Variants in MET observed in about 807,000 individuals in gnomAD.
MET encodes hepatocyte growth factor receptor.
MET carries 48 observed loss-of-function variants against 133.1 expected under a neutral mutation model. That is an observed-to-expected ratio of 0.36 (90% CI 0.29 to 0.46). The LOEUF (loss-of-function observed/expected upper bound fraction) is 0.46, where lower values mean the gene tolerates loss of function less well. Ranked by LOEUF, MET falls within the 20% of genes least tolerant of loss-of-function variation. The probability of loss-of-function intolerance (pLI) is 1.00; values close to 1 mark genes in which losing one functional copy is unlikely to be tolerated. For synonymous variants in MET, 628 were observed against 616.5 expected, an observed-to-expected ratio of 1.02 and a Z score of -0.28; for missense variants, 1,442 against 1,695.9, an observed-to-expected ratio of 0.85 and a Z score of 2.63.
At position 116,763,119 on chromosome 7, in the gene MET, C is replaced by G. The variant is rs398123568; in HGVS notation, c.2434C>G (p.Gln812Glu). 109 of 1,614,038 alleles carry G rather than the reference C, an allele frequency of 6.8e-5. 2 individuals are homozygous for G. The South Asian group carries it at 1.1e-3, about 16-fold the overall frequency. The stretch of plus-strand genomic sequence containing the variant: ...TCCTTCCCTGCAACAGCTGAATCTG[C>G]AACTCCCCCTGAAAACCAAAGCCTT... ...TTPSLQQLNL[Q>E]LPLKTKAFFM... Residue 812 changes from glutamine (Q) to glutamate (E), a missense_variant, in exon 11 of 21, where the codon CAA (glutamine) becomes GAA (glutamate). By Grantham distance (29) the Gln-to-Glu change is conservative (BLOSUM62 2). Coordinates refer to ENST00000397752, the MANE Select transcript of MET (RefSeq NM_000245.4).
At chr7:116,728,956 A>G (rs1027557988) in intron 2 of MET, among the ~76,000 whole-genome samples, 2 of 152,222 alleles carry the variant, frequency 1.3e-5, no homozygotes, top group Non-Finnish European at 2.9e-5. Flanking sequence ...GAAACAAGAC[A>G]ACCACAAAAA....
chr7:116,734,692 G>A lies in MET; in HGVS notation c.1392+2833G>A, dbSNP rs143224435. On this transcript the variant is annotated intron_variant, in intron 3 of 20. Transcript: ENST00000397752. ...CATGATCACTCTCTTGGGATACTTCGAAGTAAAATAGTAGGATAAGCAATG... is the reference window on the plus strand; with the variant it reads ...CATGATCACTCTCTTGGGATACTTCAAAGTAAAATAGTAGGATAAGCAATG... 5.8e-3 allele frequency among the ~76,000 whole-genome samples: 882 copies of A among 152,262 alleles called. 30 individuals are homozygous for A. Among genetic ancestry groups the A allele is most frequent in the Admixed American group, 0.051 (786 of 15,296 alleles).
chr7:116,779,795 T>G (rs1006620854), intron 17 of MET, among the ~76,000 whole-genome samples: 2 of 152,230 alleles, frequency 1.3e-5, no homozygotes, highest in Non-Finnish European at 2.9e-5. Context: ...TTTTGGATTT[T>G]GGGGGTTGAA....
rs1037333149 is a variant in MET, at chr7:116,795,810, C to T, written c.3935+19C>T. On this transcript the variant is annotated intron_variant, in intron 20 of 20. Transcript: ENST00000397752. ...ACCCCTTGTAAGTAGTCTTTCTGTA[C>T]CTCTTACGTTCTTTACTTTTACAGA... 2 of 1,614,066 alleles carry T rather than the reference C, an allele frequency of 1.2e-6. No homozygotes were observed. Among genetic ancestry groups the T allele is most frequent in the Admixed American group, 3.3e-5 (2 of 59,998 alleles).
intron 1 of MET, among the ~76,000 whole-genome samples, chr7:116,686,632 GT>G (rs747258269): frequency 6.6e-6 from 1 of 152,166 alleles, no homozygotes; most frequent in Non-Finnish European, 1.5e-5. Context: ...GTCAAATTTG[GT>G]CTTAAATAGC....
intron 5 of MET, among the ~76,000 whole-genome samples, chr7:116,754,463 G>A (rs1794045744): frequency 1.3e-5 from 2 of 152,100 alleles, no homozygotes; most frequent in Non-Finnish European, 2.9e-5. Flanking sequence ...GCAAGTAAAA[G>A]TCTGGGCCCA....
chr7:116,789,141 T>C (rs767348234), intron 19 of MET, among the ~76,000 whole-genome samples: 5 of 152,188 alleles, frequency 3.3e-5, no homozygotes, highest in Admixed American at 3.3e-4. Context: ...AACTTCCAGT[T>C]TTCCTCCTGC....
rs760339018 is a variant in MET, at chr7:116,796,078, A to C, written c.4127A>C (p.Asp1376Ala). 3.7e-6 allele frequency: 6 copies of C among 1,614,036 alleles called. No individual in the cohort carries two copies. The South Asian group carries it at 6.6e-5, about 18-fold the overall frequency. Residue 1376 changes from aspartate (D) to alanine (A), a missense_variant, in exon 21 of 21, where the codon GAT becomes GCT. Physicochemically the swap from Asp to Ala is moderately radical, Grantham distance 126. Transcript: ENST00000397752. ...PSLLSSEDNA[D>A]DEVDTRPASF... ...CTGTTGTCATCAGAAGATAACGCTG[A>C]TGATGAGGTGGACACACGACCAGCC...
chr7:116,789,696 G>A (rs762147603), intron 19 of MET, among the ~76,000 whole-genome samples: 37 of 152,124 alleles, frequency 2.4e-4, no homozygotes, highest in East Asian at 5.8e-4. Flanking sequence ...CTTTTACTTC[G>A]CATATTACAT....
intron 2 of MET, among the ~76,000 whole-genome samples, chr7:116,714,291 G>T (rs997716772): frequency 1.5e-4 from 23 of 152,070 alleles, no homozygotes; most frequent in Non-Finnish European, 3.1e-4. Flanking sequence ...CAAGAGAAAG[G>T]ATTTATTTAT....
rs1791526414 is a variant in MET at position 116,700,281 on chromosome 7, T to C, written c.1197T>C (p.Asn399=). 1 of 1,603,152 alleles carries C rather than the reference T, an allele frequency of 6.2e-7. No homozygotes were observed. Among genetic ancestry groups the C allele is most frequent in the Non-Finnish European group, 8.5e-7 (1 of 1,178,796 alleles). Residue 399 remains asparagine, a synonymous_variant, in exon 2 of 21, where the codon AAT becomes AAC. Coordinates refer to ENST00000397752, the MANE Select transcript of MET (RefSeq NM_000245.4). The part of the protein sequence containing the change: ...FYGPNHEHCF[N]RTLLRNSSGC... ...GACCCAATCATGAGCACTGCTTTAATAGGGTAAGTCACATCAGTTCCCCAC... is the reference window on the plus strand; with the variant it reads ...GACCCAATCATGAGCACTGCTTTAACAGGGTAAGTCACATCAGTTCCCCAC...
chr7:116,746,932 A>AAT (rs1049588083), intron 5 of MET, among the ~76,000 whole-genome samples: 3 of 152,106 alleles, frequency 2.0e-5, no homozygotes, highest in African/African-American at 4.8e-5. Context: ...TATAATAAAA[A>AAT]ATATATATAA....
intron 14 of MET, among the ~76,000 whole-genome samples, chr7:116,772,608 G>T (rs1397666697): frequency 5.3e-5 from 8 of 152,072 alleles, no homozygotes; most frequent in Admixed American, 5.2e-4. Context: ...AAATCTCCTG[G>T]TAAAAGCAAA....
rs2117110305 is a variant in MET at position 116,795,882 on chromosome 7, A to T, written c.3936-5A>T. ...TCTTACAGCATGTCTTTCTTTTTGG[A>T]ACAGATATGAAGTAATGCTAAAATG... On this transcript the variant is annotated splice_region_variant and splice_polypyrimidine_tract_variant and intron_variant, in intron 20 of 20. Coordinates refer to ENST00000397752, the MANE Select transcript of MET (RefSeq NM_000245.4). The T allele has an allele frequency of 6.2e-7, 1 of 1,614,126 alleles. No homozygotes were observed.
chr7:116,716,775 C>A (rs1389884382), intron 2 of MET, among the ~76,000 whole-genome samples: 1 of 152,148 alleles, frequency 6.6e-6, no homozygotes, highest in Admixed American at 6.5e-5. Flanking sequence ...GTCATCACCA[C>A]GAGGCTGTGA....
intron 15 of MET, 74 bp downstream of exon 15, chr7:116,775,185 A>G (rs1794957557): frequency 2.1e-6 from 3 of 1,397,698 alleles, no homozygotes; most frequent in Non-Finnish European, 2.0e-6. Context: ...TTTGCAGATT[A>G]GGAACTTAGA....
intron 5 of MET, among the ~76,000 whole-genome samples, chr7:116,748,905 GA>G (rs1793806801): frequency 2.0e-5 from 3 of 152,116 alleles, no homozygotes; most frequent in Non-Finnish European, 2.9e-5. Context: ...ACTAAACTAG[GA>G]AGAAGTTGAA....
At chr7:116,758,278 T>C (rs1399555312) in intron 8 of MET, among the ~76,000 whole-genome samples, 181 bp from the exon 9 acceptor site, 4 of 152,226 alleles carry the variant, frequency 2.6e-5, no homozygotes, top group East Asian at 3.9e-4. Context: ...GGATAGCTTG[T>C]CCACAACAAA....
chr7:116,704,700 G>T (rs376444143), intron 2 of MET, among the ~76,000 whole-genome samples: 1 of 152,026 alleles, frequency 6.6e-6, no homozygotes, highest in Admixed American at 6.6e-5. Context: ...GGCAGAGGAT[G>T]GGGAGAAAGA....
Sources: allele counts gnomAD v4.1 joint callset (sites outside exome capture counted in the v4.1 genomes callset), GRCh38; gene constraint gnomAD v4.1.1; transcripts MANE v1.5; gene names NCBI Gene and HGNC (gene_info 2026-07-23, HGNC 2026-07-21).